The following PRKG2 variants were observed in gnomAD, a reference collection of about 807,000 sequenced individuals.
PRKG2 encodes cGMP-dependent protein kinase 2.
PRKG2 carries 33 observed loss-of-function variants against 97.2 expected under a neutral mutation model. That is an observed-to-expected ratio of 0.34 (90% CI 0.26 to 0.45). The LOEUF is 0.45. Among genes scored for constraint, PRKG2 ranks in the 20% least tolerant of loss-of-function variants. The probability of loss-of-function intolerance (pLI) is 1.00; values close to 1 mark genes in which losing one functional copy is unlikely to be tolerated. For synonymous variants in PRKG2, 330 were observed against 321.8 expected, an observed-to-expected ratio of 1.03 and a Z score of -0.27; for missense variants, 638 against 900.0, an observed-to-expected ratio of 0.71 and a Z score of 3.73.
chr4:81,214,106 T>A (rs1754146128), intron 1 of PRKG2, among the ~76,000 whole-genome samples: 1 of 138,256 alleles, frequency 7.2e-6, no homozygotes, highest in African/African-American at 2.8e-5. Context: ...AAACTCTAAA[T>A]ATGGGGGTGT....
intron 2 of PRKG2, among the ~76,000 whole-genome samples, chr4:81,177,449 T>C (rs1349729735): frequency 1.3e-5 from 2 of 152,134 alleles, no homozygotes; most frequent in East Asian, 3.9e-4. Flanking sequence ...CTCACGCCTG[T>C]AATCCCAGCA....
intron 7 of PRKG2, 102 bp from the exon 8 acceptor site, chr4:81,152,156 A>G: frequency 1.2e-6 from 1 of 843,198 alleles, no homozygotes; most frequent in Non-Finnish European, 1.9e-6. Flanking sequence ...ATAAACTTGG[A>G]CAAGGAAAAA....
intron 14 of PRKG2, among the ~76,000 whole-genome samples, chr4:81,126,900 T>C (rs1745644848): frequency 6.6e-6 from 1 of 152,222 alleles, no homozygotes; most frequent in Non-Finnish European, 1.5e-5. Context: ...CAATTTTGGC[T>C]TTGGTTGCCA....
intron 1 of PRKG2, among the ~76,000 whole-genome samples, chr4:81,209,418 A>G (rs1263275957): frequency 6.6e-6 from 1 of 152,130 alleles, no homozygotes; most frequent in Non-Finnish European, 1.5e-5. Flanking sequence ...AGCTACATGT[A>G]TATCTGTCAA....
intron 1 of PRKG2, among the ~76,000 whole-genome samples, chr4:81,208,300 CTTA>C (rs1379947599): frequency 5.3e-5 from 8 of 152,064 alleles, no homozygotes; most frequent in Admixed American, 2.6e-4. Context: ...GTAAGCAGCT[CTTA>C]TTATAGTATG....
chr4:81,176,850 A>G (rs946732451), intron 2 of PRKG2, among the ~76,000 whole-genome samples: 2 of 152,020 alleles, frequency 1.3e-5, no homozygotes, highest in Non-Finnish European at 2.9e-5. Context: ...AACATCCAAC[A>G]TTCCATGGAA....
At position 81,110,509 on chromosome 4, in the gene PRKG2, G is replaced by A. The variant is rs1236273798; in HGVS notation, c.1879C>T (p.His627Tyr). 9.9e-6 allele frequency: 16 copies of A among 1,611,976 alleles called. No homozygotes were observed. The highest frequency in any genetic ancestry group is 1.3e-5 in the Non-Finnish European group (15 of 1,179,840). ...GACCAGAAATCCACACTGAAGTCAT[G>A]TCCCTTGTTGAGAATGACTTCAGGA... ...VAPEVILNKGHDFSVDFWSLG... is the reference protein window; with the variant it reads ...VAPEVILNKGYDFSVDFWSLG... The change falls in exon 15 of 19, where the codon CAT (histidine) becomes TAT (tyrosine). Residue 627 changes from histidine (H) to tyrosine (Y), a missense_variant. Physicochemically the swap from His to Tyr is moderately conservative, Grantham distance 83. Transcript: ENST00000264399.
chr4:81,158,299 G>A (rs372645061), intron 6 of PRKG2, among the ~76,000 whole-genome samples: 2 of 144,928 alleles, frequency 1.4e-5, no homozygotes, highest in Non-Finnish European at 2.9e-5. Context: ...GACAAACAGA[G>A]AGCCAAATTA....
chr4:81,215,754 G>T (rs1045967678), upstream of PRKG2, among the ~76,000 whole-genome samples: 8 of 151,310 alleles, frequency 5.3e-5, no homozygotes, highest in Admixed American at 5.3e-4. Flanking sequence ...GCCAGTTCAC[G>T]TGATGCTGGG....
chr4:81,097,090 G>C (rs990300186), intron 17 of PRKG2, among the ~76,000 whole-genome samples: 1 of 152,124 alleles, frequency 6.6e-6, no homozygotes, highest in African/African-American at 2.4e-5. Context: ...ATTATTCCTT[G>C]AGGTTTAGGC....
intron 1 of PRKG2, among the ~76,000 whole-genome samples, chr4:81,214,665 G>A (rs1387918059): frequency 3.3e-5 from 5 of 152,080 alleles, no homozygotes; most frequent in African/African-American, 1.2e-4. Context: ...CTCCCCACTG[G>A]GGCTGAGCCC....
chr4:81,112,640 T>C (rs1292183437), intron 14 of PRKG2, among the ~76,000 whole-genome samples: 6 of 152,208 alleles, frequency 3.9e-5, no homozygotes, highest in Non-Finnish European at 7.3e-5. Context: ...GCAATACTTA[T>C]ATTAAAATTT....
rs574898226 is a variant in PRKG2 at position 81,124,119 on chromosome 4, G to T, written c.1776+11036C>A. ...CTCTTAAGCATATCCTTTGTATGTAGAAGTAAACACCCTTTATCTTTGTCT... is the reference window on the plus strand; with the variant it reads ...CTCTTAAGCATATCCTTTGTATGTATAAGTAAACACCCTTTATCTTTGTCT... On this transcript the variant is annotated intron_variant, in intron 14 of 18. Transcript: ENST00000264399. 6.6e-5 allele frequency among the ~76,000 whole-genome samples: 10 copies of T among 152,194 alleles called. No individual in the cohort carries two copies. In the East Asian group the frequency reaches 1.7e-3, roughly 27 times the overall value.
chr4:81,155,996 C>A (rs967144604), intron 6 of PRKG2, among the ~76,000 whole-genome samples: 1 of 152,002 alleles, frequency 6.6e-6, no homozygotes, highest in Non-Finnish European at 1.5e-5. Context: ...TAAAGACCAT[C>A]GAGACTAGGA....
chr4:81,141,434 C>T (rs1038487691), intron 11 of PRKG2, among the ~76,000 whole-genome samples: 4 of 152,162 alleles, frequency 2.6e-5, no homozygotes, highest in Non-Finnish European at 5.9e-5. Context: ...AAAGGCTCAA[C>T]AGTCATATCT....
chr4:81,176,915 C>T (rs1228305092), intron 2 of PRKG2, among the ~76,000 whole-genome samples: 1 of 152,054 alleles, frequency 6.6e-6, no homozygotes, highest in Admixed American at 6.6e-5. Context: ...TCCTACAACC[C>T]AGTATTTACT....
intron 2 of PRKG2, among the ~76,000 whole-genome samples, chr4:81,197,701 T>G (rs1753047531): frequency 1.3e-5 from 2 of 151,992 alleles, no homozygotes; most frequent in South Asian, 4.2e-4. Flanking sequence ...ATACTCAAAA[T>G]TGGTAGTATT....
At chr4:81,108,983 A>C (rs906491826) in intron 15 of PRKG2, among the ~76,000 whole-genome samples, 2 of 152,180 alleles carry the variant, frequency 1.3e-5, no homozygotes, top group African/African-American at 2.4e-5. Flanking sequence ...TGACATACAT[A>C]TCTGATTACC....
chr4:81,110,726 TGCAC>T, intron 14 of PRKG2, 115 bp from the exon 15 acceptor site: 1 of 852,218 alleles, frequency 1.2e-6, no homozygotes. Flanking sequence ...TTTTATACCA[TGCAC>T]ACACACACAC....
Sources: gnomAD v4.1 joint callset for allele counts (sites outside exome capture counted in the v4.1 genomes callset) on GRCh38, gnomAD v4.1.1 for gene constraint, MANE v1.5 for transcripts, NCBI Gene and HGNC (gene_info 2026-07-23, HGNC 2026-07-21) for gene names.